Variants in CELSR2 observed in about 807,000 individuals in gnomAD.
CELSR2 encodes the protein cadherin EGF LAG seven-pass G-type receptor 2.
CELSR2 carries 81 observed loss-of-function variants against 251.6 expected under a neutral mutation model. The ratio of observed to expected loss-of-function variants is 0.32; its 90% CI spans 0.27 to 0.39. The LOEUF (loss-of-function observed/expected upper bound fraction) is 0.39, where lower values mean the gene tolerates loss of function less well. Among genes scored for constraint, CELSR2 ranks in the 10% least tolerant of loss-of-function variants. The probability of loss-of-function intolerance (pLI) is 1.00; values close to 1 mark genes in which losing one functional copy is unlikely to be tolerated. For synonymous variants in CELSR2, 1,721 were observed against 1,670.5 expected (o/e 1.03, Z -0.74); for missense variants, 3,365 against 3,947.7 (o/e 0.85, Z 3.96).
rs182422235 is a variant in CELSR2 at position 109,267,522 on chromosome 1, C to T, written c.6014-26C>T. 3.2e-4 allele frequency: 518 copies of T among 1,607,138 alleles called. 2 individuals are homozygous for T. The African/African-American group carries it at 5.8e-3, about 18-fold the overall frequency. On this transcript the variant is annotated intron_variant, in intron 15 of 33. Transcript: ENST00000271332. ...GGCTTCCTGTGTGTCTCCCTGAGGCCGGCCCTTTTGGCTTCCTTCCCCCAG... is the reference window on the plus strand; with the variant it reads ...GGCTTCCTGTGTGTCTCCCTGAGGCTGGCCCTTTTGGCTTCCTTCCCCCAG...
At chr1:109,262,568 T>C in intron 6 of CELSR2, 124 bp downstream of exon 6, 1 of 1,403,280 alleles carries the variant, frequency 7.1e-7, no homozygotes, top group South Asian at 1.4e-5. Flanking sequence ...TGCTCAGCCC[T>C]GGGGATGGGG....
At position 109,261,046 on chromosome 1, in the gene CELSR2, G is replaced by A. The variant is rs757200978; in HGVS notation, c.3963G>A (p.Glu1321=). 3.7e-6 allele frequency: 6 copies of A among 1,609,828 alleles called. No individual in the cohort carries two copies. The South Asian group carries it at 6.6e-5, about 18-fold the overall frequency. Residue 1321 remains glutamate, a synonymous_variant, in exon 3 of 34, where the codon GAG becomes GAA. Coordinates refer to ENST00000271332, the MANE Select transcript of CELSR2 (RefSeq NM_001408.3). The surrounding 1 kb of genome is among the most constrained non-coding windows in gnomAD (Gnocchi z 4.8). Reference sequence around the variant, plus strand: ...CCTGCCTTTCCTCTTGTCCAGGTGAGCACTGTGAGGTGAGTGCTCGCTCAG... The same window carrying A: ...CCTGCCTTTCCTCTTGTCCAGGTGAACACTGTGAGGTGAGTGCTCGCTCAG... The part of the protein sequence containing the change: ...TCLCRDGYTG[E]HCEVSARSGR...
chr1:109,267,502 C>T (rs1475045219), intron 15 of CELSR2, 46 bp from the exon 16 acceptor site: 2 of 1,572,972 alleles, frequency 1.3e-6, no homozygotes, highest in South Asian at 1.1e-5. Context: ...TCAGGGGCTT[C>T]CTGTGTGTCT....
rs1336265067 is a variant in CELSR2 at position 109,250,723 on chromosome 1, G to A, written c.644G>A (p.Arg215Gln). ...GACCCGGACGAGGGTGAGGCAGGTCGACTGGAGTACACCATGGATGCCCTC... is the reference window on the plus strand; with the variant it reads ...GACCCGGACGAGGGTGAGGCAGGTCAACTGGAGTACACCATGGATGCCCTC... ...AIDPDEGEAG[R>Q]LEYTMDALFD... The change falls in exon 1 of 34, where the codon CGA becomes CAA. Residue 215 changes from arginine to glutamine, a missense_variant. This residue lies in a region of CELSR2 where 704 missense variants were observed against 784.1 expected (regional missense o/e 0.90). Coordinates refer to ENST00000271332, the MANE Select transcript of CELSR2 (RefSeq NM_001408.3). This position sits in a 1 kb window ranked among gnomAD's most constrained non-coding sequence, Gnocchi z 4.4. 2.5e-6 allele frequency: 4 copies of A among 1,614,122 alleles called. No individual in the cohort carries two copies. The highest frequency in any genetic ancestry group is 1.3e-5 in the African/African-American group (1 of 75,048).
rs753959693 is a variant in CELSR2 at position 109,251,670 on chromosome 1, G to A, written c.1591G>A (p.Asp531Asn). The change falls in exon 1 of 34, where the codon GAC becomes AAC. Residue 531 changes from aspartate to asparagine, a missense_variant. This residue lies in a region of CELSR2 where 704 missense variants were observed against 784.1 expected (regional missense o/e 0.90). Transcript: ENST00000271332. The surrounding 1 kb of genome is among the most constrained non-coding windows in gnomAD (Gnocchi z 4.9). ...CCTGGTTCTCCATGTCCAGGCTATC[G>A]ACGCTGATGCTGGTGACAATGCCCG... is the stretch of plus-strand genomic sequence containing the variant. ...GYLVLHVQAI[D>N]ADAGDNARLE... The A allele has an allele frequency of 2.5e-6, 4 of 1,614,086 alleles. No homozygotes were observed. The highest frequency in any genetic ancestry group is 3.4e-6 in the Non-Finnish European group (4 of 1,180,028).
chr1:109,261,817 C>G lies in CELSR2; in HGVS notation c.4307C>G (p.Thr1436Ser). The G allele has an allele frequency of 6.3e-7, 1 of 1,592,320 alleles. No individual in the cohort carries two copies. The highest frequency in any genetic ancestry group is 8.6e-7 in the Non-Finnish European group (1 of 1,167,844). ...CTGGTCCTTTCCCCAGGGGAGTCAA[C>G]CACCACGGTGTCCCCATTCGTGCCC... is the stretch of plus-strand genomic sequence containing the variant. ...VQLTFSAGES[T>S]TTVSPFVPGG... is the part of the protein sequence containing the mutation. Residue 1436 changes from threonine to serine, a missense_variant, in exon 5 of 34, where the codon ACC becomes AGC. Coordinates refer to ENST00000271332, the MANE Select transcript of CELSR2 (RefSeq NM_001408.3). This position sits in a 1 kb window ranked among gnomAD's most constrained non-coding sequence, Gnocchi z 4.8.
chr1:109,261,458 G>A lies in CELSR2; in HGVS notation c.4182-55G>A. The A allele has an allele frequency of 6.5e-7, 1 of 1,536,996 alleles. No homozygotes were observed. On this transcript the variant is annotated intron_variant, in intron 3 of 33. Transcript: ENST00000271332. This position sits in a 1 kb window ranked among gnomAD's most constrained non-coding sequence, Gnocchi z 4.8. ...CCTGCGCTGGTTAGGTGGCGGGGGT[G>A]CTGGCATCCAGGTGGGTACCCCATT...
intron 1 of CELSR2, among the ~76,000 whole-genome samples, chr1:109,254,912 AGTGGGAAGGAG>A (rs1244789109): frequency 1.3e-5 from 2 of 152,172 alleles, no homozygotes; most frequent in African/African-American, 2.4e-5. Context: ...ACTTGAGACA[AGTGGGAAGGAG>A]GTGGGAAGGA....
In CELSR2 at chr1:109,266,161, C is replaced by T. The variant is rs377632751; in HGVS notation, c.5968C>T (p.Arg1990Cys). The change falls in exon 15 of 34, where the codon CGC becomes TGC. Residue 1990 changes from arginine to cysteine, a missense_variant. Physicochemically the swap from Arg to Cys is radical, Grantham distance 180. This residue lies in a region of CELSR2 where 2,093 missense variants were observed against 2,382.8 expected (regional missense o/e 0.88). Coordinates refer to ENST00000271332, the MANE Select transcript of CELSR2 (RefSeq NM_001408.3). ...IEAGIWWPRT[R>C]FGLPAAAPCP... ...GGCTGGGATCTGGTGGCCCCGTACC[C>T]GCTTCGGGCTGCCTGCTGCTGCTCC... The T allele has an allele frequency of 2.3e-5, 37 of 1,614,002 alleles. No individual in the cohort carries two copies. The highest frequency in any genetic ancestry group is 2.7e-5 in the Non-Finnish European group (32 of 1,180,034).
Position 109,251,443 on chromosome 1 carries a change from C to G in CELSR2, c.1364C>G (p.Ala455Gly), listed in dbSNP as rs1342213901. Residue 455 changes from alanine to glycine, a missense_variant, in exon 1 of 34, where the codon GCT becomes GGT. Transcript: ENST00000271332. The surrounding 1 kb of genome is among the most constrained non-coding windows in gnomAD (Gnocchi z 4.9). ...GQFYLDAQTG[A>G]LDVVSPLDYE... The stretch of plus-strand genomic sequence containing the variant: ...TTTTATCTGGATGCCCAGACTGGAG[C>G]TCTGGATGTGGTGAGCCCTCTTGAC... 1 of 1,613,842 alleles carries G rather than the reference C, an allele frequency of 6.2e-7. No homozygotes were observed. Among genetic ancestry groups the G allele is most frequent in the South Asian group, 1.1e-5 (1 of 91,082 alleles).
Position 109,250,770 on chromosome 1 carries a change from T to C in CELSR2, c.691T>C (p.Phe231Leu). The change falls in exon 1 of 34, where the codon TTC (phenylalanine) becomes CTC (leucine). Residue 231 changes from phenylalanine (F) to leucine (L), a missense_variant. Around this residue, in one of 5 missense-constraint regions of CELSR2, gnomAD observed 704 missense variants for 784.1 expected, o/e 0.90. Transcript: ENST00000271332. The surrounding 1 kb of genome is among the most constrained non-coding windows in gnomAD (Gnocchi z 4.4). ...CCTCTTTGATAGCCGCTCCAACCAGTTCTTCTCCCTGGACCCAGTCACTGG... is the reference window on the plus strand; with the variant it reads ...CCTCTTTGATAGCCGCTCCAACCAGCTCTTCTCCCTGGACCCAGTCACTGG... Reference protein sequence around the residue: ...DALFDSRSNQFFSLDPVTGAV... With the variant: ...DALFDSRSNQLFSLDPVTGAV... The C allele has an allele frequency of 6.2e-7, 1 of 1,614,066 alleles. No individual in the cohort carries two copies. The highest frequency in any genetic ancestry group is 2.2e-5 in the East Asian group (1 of 44,876).
Position 109,253,089 on chromosome 1 carries a change from G to A in CELSR2, c.3010G>A (p.Val1004Met). 1 of 1,613,706 alleles carries A rather than the reference G, an allele frequency of 6.2e-7. No homozygotes were observed. The highest frequency in any genetic ancestry group is 8.5e-7 in the Non-Finnish European group (1 of 1,180,024). ...LVIQATSAPL[V>M]SRATVHVRLL... ...CATCCAGGCCACGTCAGCTCCTCTG[G>A]TGAGCCGGGCTACAGTCCACGTCCG... The change falls in exon 1 of 34, where the codon GTG (valine) becomes ATG (methionine). Residue 1004 changes from valine (V) to methionine (M), a missense_variant. Around this residue, in one of 5 missense-constraint regions of CELSR2, gnomAD observed 505 missense variants for 660.0 expected, o/e 0.77. Coordinates refer to ENST00000271332, the MANE Select transcript of CELSR2 (RefSeq NM_001408.3).
At position 109,267,555 on chromosome 1, in the gene CELSR2, T is replaced by C. The variant is rs1182734955; in HGVS notation, c.6021T>C (p.Ala2007=). The change falls in exon 16 of 34, where the codon GCT becomes GCC. Residue 2007 remains alanine (A), a synonymous_variant. Coordinates refer to ENST00000271332, the MANE Select transcript of CELSR2 (RefSeq NM_001408.3). The part of the protein sequence containing the change: ...APCPKGSFGT[A]VRHCDEHRGW... The stretch of plus-strand genomic sequence containing the variant: ...TTGGCTTCCTTCCCCCAGGGACTGC[T>C]GTGCGCCACTGTGATGAGCACAGGG... 6.2e-7 allele frequency: 1 copy of C among 1,613,970 alleles called. No homozygotes were observed.
At position 109,268,691 on chromosome 1, in the gene CELSR2, C is replaced by T. The variant is rs757448380; in HGVS notation, c.6429C>T (p.Ala2143=). 6.2e-7 allele frequency: 1 copy of T among 1,613,970 alleles called. No individual in the cohort carries two copies. The highest frequency in any genetic ancestry group is 8.5e-7 in the Non-Finnish European group (1 of 1,179,906). Reference sequence around the variant, plus strand: ...CCTGGCTGCTCCAGCACTATGAGGCCTACGCCAGTGCCCTGGCCCAGAACA... The same window carrying T: ...CCTGGCTGCTCCAGCACTATGAGGCTTACGCCAGTGCCCTGGCCCAGAACA... ...GTAWLLQHYE[A]YASALAQNMR... Residue 2143 remains alanine (A), a synonymous_variant, in exon 18 of 34, where the codon GCC becomes GCT. Transcript: ENST00000271332.
Position 109,261,065 on chromosome 1 carries a change from C to T in CELSR2, c.3982C>T (p.Arg1328Cys), listed in dbSNP as rs745337752. The T allele has an allele frequency of 1.7e-5, 27 of 1,613,110 alleles. No homozygotes were observed. In the Admixed American group the frequency reaches 3.8e-4, roughly 23 times the overall value. The change falls in exon 3 of 34, where the codon CGC becomes TGC. Residue 1328 changes from arginine to cysteine, a missense_variant. Transcript: ENST00000271332. This position sits in a 1 kb window ranked among gnomAD's most constrained non-coding sequence, Gnocchi z 4.8. ...AGGTGAGCACTGTGAGGTGAGTGCT[C>T]GCTCAGGCCGTTGCACCCCGGGTGT... is the stretch of plus-strand genomic sequence containing the variant. ...YTGEHCEVSA[R>C]SGRCTPGVCK...
In CELSR2 at chr1:109,261,319, C is replaced by T. The variant is rs1656015605; in HGVS notation, c.4181+55C>T. The T allele has an allele frequency of 1.9e-6, 3 of 1,541,662 alleles. No homozygotes were observed. The highest frequency in any genetic ancestry group is 1.7e-5 in the Admixed American group (1 of 58,642). ...TGGGCCTGGTGGGCATCTGAGGTGC[C>T]TCCTGTTCTGTGGTTGAAGTAAGAG... On this transcript the variant is annotated intron_variant, in intron 3 of 33. Transcript: ENST00000271332. This position sits in a 1 kb window ranked among gnomAD's most constrained non-coding sequence, Gnocchi z 4.8.
At position 109,269,870 on chromosome 1, in the gene CELSR2, C is replaced by T. The variant is rs1317979930; in HGVS notation, c.7107+50C>T. 15 of 1,613,068 alleles carry T rather than the reference C, an allele frequency of 9.3e-6. No individual in the cohort carries two copies. Among genetic ancestry groups the T allele is most frequent in the Middle Eastern group, 3.3e-4 (2 of 6,082 alleles). ...GAGCCGTGGGTGGGCACCCAGGGCA[C>T]GGGGCTGGGTGCTCAGGTCCTGCCC... On this transcript the variant is annotated intron_variant, in intron 22 of 33. Coordinates refer to ENST00000271332, the MANE Select transcript of CELSR2 (RefSeq NM_001408.3). This position sits in a 1 kb window ranked among gnomAD's most constrained non-coding sequence, Gnocchi z 6.4.
chr1:109,255,383 C>T (rs1035325000), intron 1 of CELSR2, among the ~76,000 whole-genome samples: 2 of 152,226 alleles, frequency 1.3e-5, no homozygotes, highest in African/African-American at 4.8e-5. Flanking sequence ...TTGTCTTCCC[C>T]TGTTTGGTCT....
At position 109,272,950 on chromosome 1, in the gene CELSR2, C is replaced by T. The variant is rs1016937096; in HGVS notation, c.8261C>T (p.Ala2754Val). The T allele has an allele frequency of 5.6e-6, 9 of 1,614,054 alleles. No homozygotes were observed. Among genetic ancestry groups the T allele is most frequent in the Non-Finnish European group, 6.8e-6 (8 of 1,179,990 alleles). Residue 2754 changes from alanine (A) to valine (V), a missense_variant, in exon 31 of 34, where the codon GCC becomes GTC. Ala to Val is a moderately conservative substitution (Grantham distance 64). Transcript: ENST00000271332. ...EEEEEEEEEA[A>V]FPGEQGWDSL... The stretch of plus-strand genomic sequence containing the variant: ...GAAGAGGAGGAGGAAGAGGAGGCCG[C>T]CTTCCCTGGAGAGCAGGGCTGGGAT...
Sources: gnomAD v4.1 joint callset for allele counts (sites outside exome capture counted in the v4.1 genomes callset) on GRCh38, gnomAD v4.1.1 for gene constraint, gnomAD v4.1.1 regional missense constraint, Gnocchi (gnomAD v3.1) non-coding constraint, MANE v1.5 for transcripts, NCBI Gene and HGNC (gene_info 2026-07-23, HGNC 2026-07-21) for gene names.